Variants in SGSM1 observed in about 807,000 individuals in gnomAD.
SGSM1 encodes small G protein signaling modulator 1, also known as RUN and TBC1 domain containing 2.
In SGSM1, 73 loss-of-function variants were observed where a neutral mutation model predicts 133.8. The observed-to-expected ratio is 0.55, with a 90% CI of 0.45 to 0.66. The LOEUF (loss-of-function observed/expected upper bound fraction) is 0.66, where lower values mean the gene tolerates loss of function less well. Ranked by LOEUF, SGSM1 falls within the 30% of genes least tolerant of loss-of-function variation. The pLI is 0.00. For missense variants in SGSM1, 1,213 were observed against 1,448.1 expected (o/e 0.84, Z 2.64); for synonymous variants, 563 against 573.0 (o/e 0.98, Z 0.25).
chr22:24,829,160 C>T (rs1181390630), intron 2 of SGSM1, among the ~76,000 whole-genome samples: 1 of 151,814 alleles, frequency 6.6e-6, no homozygotes, highest in African/African-American at 2.4e-5. Context: ...CGTGCCACTG[C>T]ACTCCAGCCT....
chr22:24,848,087 C>T (rs1930257355), intron 4 of SGSM1, among the ~76,000 whole-genome samples: 1 of 151,928 alleles, frequency 6.6e-6, no homozygotes. Context: ...TGTTTATTTC[C>T]CTCCCCGTTG....
chr22:24,876,538 C>T, intron 12 of SGSM1, 39 bp from the exon 13 acceptor site: 1 of 1,612,444 alleles, frequency 6.2e-7, no homozygotes, highest in Non-Finnish European at 8.5e-7. Context: ...ATAGGTTTAA[C>T]CAGGGTGATT....
intron 2 of SGSM1, among the ~76,000 whole-genome samples, chr22:24,831,745 C>G (rs1044679120): frequency 1.3e-5 from 2 of 152,250 alleles, no homozygotes; most frequent in African/African-American, 4.8e-5. Flanking sequence ...CTGCCTATGG[C>G]TTTGCCAACA....
chr22:24,918,544 C>G (rs929964150), intron 23 of SGSM1, among the ~76,000 whole-genome samples: 2 of 151,796 alleles, frequency 1.3e-5, no homozygotes, highest in African/African-American at 2.4e-5. Context: ...GTGCCACGCA[C>G]TGTGCTGAGT....
intron 5 of SGSM1, 64 bp from the exon 6 acceptor site, chr22:24,854,932 A>C: frequency 2.9e-6 from 4 of 1,365,724 alleles, no homozygotes; most frequent in Non-Finnish European, 4.1e-6. Context: ...TTGAACTCTC[A>C]TCTGTGGATT....
intron 4 of SGSM1, among the ~76,000 whole-genome samples, chr22:24,850,033 TG>T (rs1930366051): frequency 6.6e-6 from 1 of 151,688 alleles, no homozygotes; most frequent in Admixed American, 6.6e-5. Context: ...GAGAGAGAGG[TG>T]GGGGGTATCA....
chr22:24,816,174 A>G (rs1928062317), intron 2 of SGSM1, among the ~76,000 whole-genome samples: 2 of 152,132 alleles, frequency 1.3e-5, no homozygotes, highest in Non-Finnish European at 2.9e-5. Context: ...CCACAAAACA[A>G]CCTTCCTACA....
chr22:24,895,367 G>A lies in SGSM1; in HGVS notation c.2022+76G>A, dbSNP rs577962492. On this transcript the variant is annotated intron_variant, in intron 18 of 24. Transcript: ENST00000400358. ...CTGGGGTCATGGGGGTTGGGTGTCC[G>A]TCATCTGTAGGTCACTTTTTGCTTT... 196 of 1,402,316 alleles carry A rather than the reference G, an allele frequency of 1.4e-4. No homozygotes were observed. In the African/African-American group the frequency reaches 2.3e-3, roughly 17 times the overall value. 86.9% of individuals were successfully genotyped at this position (1,402,316 alleles called of 1,614,324 possible).
At chr22:24,838,276 G>T (rs1929583125) in intron 2 of SGSM1, among the ~76,000 whole-genome samples, 1 of 152,206 alleles carries the variant, frequency 6.6e-6, no homozygotes, top group African/African-American at 2.4e-5. Context: ...GACAAGTATT[G>T]CCAAGGAAGA....
intron 18 of SGSM1, among the ~76,000 whole-genome samples, chr22:24,895,715 T>C (rs5996789): frequency 0.12 from 18,764 of 152,212 alleles, 1,393 homozygotes; most frequent in African/African-American, 0.21. Flanking sequence ...CCGTTTCAAT[T>C]GGTGAAAAGA....
intron 4 of SGSM1, among the ~76,000 whole-genome samples, chr22:24,849,296 G>T (rs537552241): frequency 2.0e-5 from 3 of 151,586 alleles, no homozygotes; most frequent in Non-Finnish European, 4.4e-5. Flanking sequence ...GCTCATGCCT[G>T]TAGTCCCAGC....
intron 2 of SGSM1, among the ~76,000 whole-genome samples, chr22:24,820,161 C>T (rs535024042): frequency 2.0e-5 from 3 of 152,140 alleles, no homozygotes; most frequent in Non-Finnish European, 4.4e-5. Context: ...ACAGCTCCAT[C>T]CTCTCCTGTG....
chr22:24,862,247 G>C (rs1208901469), intron 9 of SGSM1, among the ~76,000 whole-genome samples: 2 of 152,148 alleles, frequency 1.3e-5, no homozygotes, highest in East Asian at 3.8e-4. Context: ...ACCGCACCCG[G>C]CCACCCAGAG....
intron 16 of SGSM1, among the ~76,000 whole-genome samples, chr22:24,887,107 T>G (rs1051525325): frequency 6.9e-6 from 1 of 145,212 alleles, no homozygotes; most frequent in African/African-American, 2.5e-5. Context: ...TTGTACTTAT[T>G]TGTGTGTGTG....
chr22:24,888,906 A>T (rs1932751992), intron 16 of SGSM1, among the ~76,000 whole-genome samples: 1 of 146,188 alleles, frequency 6.8e-6, no homozygotes, highest in Non-Finnish European at 1.5e-5. Context: ...TTATTGTAAC[A>T]CATGTGTAAT....
chr22:24,881,708 C>G (rs1932344673), intron 14 of SGSM1, among the ~76,000 whole-genome samples: 2 of 152,236 alleles, frequency 1.3e-5, no homozygotes, highest in African/African-American at 4.8e-5. Context: ...TCATCATCCT[C>G]CTCCTCCTCA....
chr22:24,859,933 C>CG (rs1308814178), intron 9 of SGSM1, 93 bp downstream of exon 9: 1 of 1,536,694 alleles, frequency 6.5e-7, no homozygotes, highest in Non-Finnish European at 8.8e-7. Context: ...GTTTGTATCC[C>CG]GCCCCTGCTT....
At chr22:24,892,394 C>T (rs890410940) in intron 16 of SGSM1, among the ~76,000 whole-genome samples, 10 of 152,296 alleles carry the variant, frequency 6.6e-5, no homozygotes, top group Non-Finnish European at 1.3e-4. Flanking sequence ...AGCCTGTTAC[C>T]TGGGCTGTGT....
In SGSM1 at chr22:24,855,559, G is replaced by C. The variant is rs1460669695; in HGVS notation, c.680G>C (p.Arg227Thr). ...GTCACTCTCTACCAGATCCAGAAGA[G>C]GCATTCCAGTGGCAGCATGGATGAC... ...TKRPALCIQK[R>T]HSSGSMDDRP... Residue 227 changes from arginine (R) to threonine (T), a missense_variant, in exon 8 of 25, where the codon AGG (arginine) becomes ACG (threonine). Arg to Thr is a moderately conservative substitution (Grantham distance 71). Coordinates refer to ENST00000400358, the MANE Select transcript of SGSM1 (RefSeq NM_001098497.3). 6.2e-7 allele frequency: 1 copy of C among 1,613,884 alleles called. No individual in the cohort carries two copies. The highest frequency in any genetic ancestry group is 8.5e-7 in the Non-Finnish European group (1 of 1,179,846).
Sources: gnomAD v4.1 joint callset for allele counts (sites outside exome capture counted in the v4.1 genomes callset) on GRCh38, gnomAD v4.1.1 for gene constraint, MANE v1.5 for transcripts, NCBI Gene and HGNC (gene_info 2026-07-23, HGNC 2026-07-21) for gene names.